FAT3: variants seen among roughly 807,000 people sequenced by gnomAD.
FAT3 encodes FAT atypical cadherin 3.
FAT3 carries 95 observed loss-of-function variants against 310.2 expected under a neutral mutation model. The observed-to-expected ratio is 0.31, with a 90% CI of 0.26 to 0.36. The LOEUF (loss-of-function observed/expected upper bound fraction) is 0.36, where lower values mean the gene tolerates loss of function less well. Ranked by LOEUF, FAT3 falls within the 10% of genes least tolerant of loss-of-function variation. FAT3 has a pLI of 1.00. For missense variants in FAT3, 5,408 were observed against 5,715.6 expected (o/e 0.95, Z 1.74); for synonymous variants, 2,314 against 2,192.9 (o/e 1.06, Z -1.54).
At chr11:92,257,996 A>G (rs1429813353) in intron 1 of FAT3, among the ~76,000 whole-genome samples, 2 of 152,082 alleles carry the variant, frequency 1.3e-5, no homozygotes, top group Admixed American at 1.3e-4. Flanking sequence ...AAGAACATGA[A>G]ACCTCTTTCT....
intron 3 of FAT3, among the ~76,000 whole-genome samples, chr11:92,605,051 AT>A (rs1309402767): frequency 1.3e-5 from 2 of 152,100 alleles, no homozygotes; most frequent in African/African-American, 4.8e-5. Flanking sequence ...TCTAAAACAG[AT>A]TTGTGTCCTG....
intron 3 of FAT3, among the ~76,000 whole-genome samples, chr11:92,645,141 T>C (rs2135739485): frequency 6.6e-6 from 1 of 152,306 alleles, no homozygotes; most frequent in East Asian, 1.9e-4. Context: ...GAATACCAAA[T>C]GTAAGATAAA....
chr11:92,449,417 C>T (rs185101781), intron 2 of FAT3, among the ~76,000 whole-genome samples: 4 of 152,184 alleles, frequency 2.6e-5, no homozygotes, highest in African/African-American at 7.2e-5. Flanking sequence ...ATCGGGTTCC[C>T]TATGAGTAGC....
intron 3 of FAT3, among the ~76,000 whole-genome samples, chr11:92,600,188 C>A (rs1302811342): frequency 6.6e-6 from 1 of 152,156 alleles, no homozygotes; most frequent in Admixed American, 6.5e-5. Context: ...CTGGCACTCC[C>A]ATGCAATCCA....
Position 92,840,617 on chromosome 11 carries a change from C to T in FAT3, c.10424C>T (p.Ser3475Phe), listed in dbSNP as rs755487637. The T allele has an allele frequency of 2.5e-6, 4 of 1,611,422 alleles. No individual in the cohort carries two copies. Among genetic ancestry groups the T allele is most frequent in the South Asian group, 1.1e-5 (1 of 90,962 alleles). The change falls in exon 18 of 28, where the codon TCC (serine) becomes TTC (phenylalanine). Residue 3475 changes from serine (S) to phenylalanine (F), a missense_variant. Physicochemically the swap from Ser to Phe is radical, Grantham distance 155 (BLOSUM62 -2). Around this residue, in one of 5 missense-constraint regions of FAT3, gnomAD observed 4,588 missense variants for 4,809.8 expected, o/e 0.95. Coordinates refer to ENST00000525166, the MANE Select transcript of FAT3 (RefSeq NM_001367949.2). ...CAGCTGGTGGTGACAGACAGAGACTCCTTTCACAATGGGCCTCCCTTTTCA... is the reference window on the plus strand; with the variant it reads ...CAGCTGGTGGTGACAGACAGAGACTTCTTTCACAATGGGCCTCCCTTTTCA... Reference protein sequence around the residue: ...ILQLVVTDRDSFHNGPPFSFS... With the variant: ...ILQLVVTDRDFFHNGPPFSFS...
chr11:92,514,248 A>C (rs938094433), intron 2 of FAT3, among the ~76,000 whole-genome samples: 1 of 152,228 alleles, frequency 6.6e-6, no homozygotes, highest in African/African-American at 2.4e-5. Flanking sequence ...TTATTCATTT[A>C]AATATTAAGA....
rs539304145 is a variant in FAT3, at chr11:92,402,062, G to A, written c.3292+46658G>A. ...TTATCAAGTAATTTAAAATAATTATGTTTAATTTGTTAAAGGTTCTAATGG... is the reference window on the plus strand; with the variant it reads ...TTATCAAGTAATTTAAAATAATTATATTTAATTTGTTAAAGGTTCTAATGG... On this transcript the variant is annotated intron_variant, in intron 2 of 27. Coordinates refer to ENST00000525166, the MANE Select transcript of FAT3 (RefSeq NM_001367949.2). Among the ~76,000 whole-genome samples, 55 of 152,236 alleles carry A rather than the reference G, an allele frequency of 3.6e-4. No homozygotes were observed. The East Asian group carries it at 6.4e-3, about 18-fold the overall frequency.
intron 2 of FAT3, among the ~76,000 whole-genome samples, chr11:92,523,676 G>A (rs756199873): frequency 1.3e-5 from 2 of 150,720 alleles, no homozygotes; most frequent in African/African-American, 4.8e-5. Context: ...TGAATTTCAC[G>A]CTTTCTATGA....
At chr11:92,735,557 CATAGATAGATAGATAG>C (rs35680919) in intron 4 of FAT3, among the ~76,000 whole-genome samples, 5,668 of 148,830 alleles carry the variant, frequency 0.038, 148 homozygotes, top group Non-Finnish European at 0.059. Context: ...GATGGATGAG[CATAGATAGATAGATAG>C]ATAGATAGAT....
intron 3 of FAT3, among the ~76,000 whole-genome samples, chr11:92,646,308 A>G (rs995098130): frequency 6.6e-6 from 1 of 152,212 alleles, no homozygotes; most frequent in African/African-American, 2.4e-5. Context: ...CTCATGGCTT[A>G]GAATTTCTAC....
chr11:92,355,086 A>G lies in FAT3; in HGVS notation c.2974A>G (p.Ile992Val). 1 of 1,613,762 alleles carries G rather than the reference A, an allele frequency of 6.2e-7. No homozygotes were observed. The highest frequency in any genetic ancestry group is 8.5e-7 in the Non-Finnish European group (1 of 1,179,850). Reference protein sequence around the residue: ...RFEIDKASGAIRLSKELDYEK... With the variant: ...RFEIDKASGAVRLSKELDYEK... The stretch of plus-strand genomic sequence containing the variant: ...TGAAATAGATAAAGCAAGTGGTGCC[A>G]TCCGCTTGAGCAAAGAGCTTGATTA... Residue 992 changes from isoleucine (I) to valine (V), a missense_variant, in exon 2 of 28, where the codon ATC (isoleucine) becomes GTC (valine). Ile to Val is a conservative substitution (Grantham distance 29). This residue lies in a region of FAT3 where 4,588 missense variants were observed against 4,809.8 expected (regional missense o/e 0.95). Coordinates refer to ENST00000525166, the MANE Select transcript of FAT3 (RefSeq NM_001367949.2).
chr11:92,287,670 T>C (rs1227801382), intron 1 of FAT3, among the ~76,000 whole-genome samples: 2 of 152,162 alleles, frequency 1.3e-5, no homozygotes, highest in African/African-American at 4.8e-5. Flanking sequence ...CAAATACTTG[T>C]GCTCCCCTCT....
At chr11:92,602,905 G>A (rs579564) in intron 3 of FAT3, among the ~76,000 whole-genome samples, 73,390 of 151,968 alleles carry the variant, frequency 0.48, 17,949 homozygotes, top group African/African-American at 0.49. Flanking sequence ...GTATTTGTTA[G>A]GCCTACCAGA....
chr11:92,509,050 G>A (rs1030009383), intron 2 of FAT3, among the ~76,000 whole-genome samples: 3 of 152,026 alleles, frequency 2.0e-5, no homozygotes, highest in African/African-American at 7.2e-5. Flanking sequence ...CAACATCAAT[G>A]ATGTTTTATC....
intron 2 of FAT3, among the ~76,000 whole-genome samples, chr11:92,491,098 T>C (rs1465758872): frequency 1.3e-5 from 2 of 152,076 alleles, no homozygotes; most frequent in African/African-American, 4.8e-5. Flanking sequence ...TTCCCTATGT[T>C]AGCAGAGAAA....
rs79608942 is a variant in FAT3, at chr11:92,695,644, A to T, written c.3608-1740A>T. On this transcript the variant is annotated intron_variant, in intron 3 of 27. Transcript: ENST00000525166. ...CAGATCTCTTCCAGAGCAACTTTTC[A>T]TTAACTAAGCATTAATGAGTTCCTA... Among the ~76,000 whole-genome samples the T allele has an allele frequency of 1.5e-4, 23 of 152,326 alleles. No individual in the cohort carries two copies. The East Asian group carries it at 4.4e-3, about 29-fold the overall frequency.
At position 92,333,297 on chromosome 11, in the gene FAT3, A is replaced by T. The variant is rs553871598; in HGVS notation, c.-17-18799A>T. 3.3e-5 allele frequency among the ~76,000 whole-genome samples: 5 copies of T among 152,304 alleles called. No individual in the cohort carries two copies. In the South Asian group the frequency reaches 1.0e-3, roughly 32 times the overall value. On this transcript the variant is annotated intron_variant, in intron 1 of 27. Transcript: ENST00000525166. ...AGCACCATTGGTCTGATCCTTTGTAAAGTTACAAATATTTATTATAATAGT... is the reference window on the plus strand; with the variant it reads ...AGCACCATTGGTCTGATCCTTTGTATAGTTACAAATATTTATTATAATAGT...
intron 1 of FAT3, among the ~76,000 whole-genome samples, chr11:92,348,570 G>A (rs1027917009): frequency 2.0e-5 from 3 of 152,174 alleles, no homozygotes; most frequent in African/African-American, 7.2e-5. Flanking sequence ...GTAATATGGT[G>A]TCAGAAAAGG....
chr11:92,891,720 CTGTT>C lies in FAT3; in HGVS notation c.*615_*618del, dbSNP rs1033977067. The C allele has an allele frequency of 1.1e-4, 18 of 156,766 alleles. No homozygotes were observed. Among genetic ancestry groups the C allele is most frequent in the East Asian group, 1.9e-4 (1 of 5,390 alleles). The allele number at this position is 156,766 out of a possible 1,614,324, so 9.7% of individuals were successfully genotyped here. A position where few individuals can be genotyped will look rare whatever the true frequency, so the allele number is the denominator to read the frequency against. ...ACATGTTTAGTATGCTCAGTTATTT[CTGTT>C]TGTTTGTGTTAAGCATCCAATCTAA... On this transcript the variant is annotated 3_prime_UTR_variant, in exon 28 of 28. Coordinates refer to ENST00000525166, the MANE Select transcript of FAT3 (RefSeq NM_001367949.2).
Sources: gnomAD v4.1 joint callset for allele counts (sites outside exome capture counted in the v4.1 genomes callset) on GRCh38, gnomAD v4.1.1 for gene constraint, gnomAD v4.1.1 regional missense constraint, MANE v1.5 for transcripts, NCBI Gene and HGNC (gene_info 2026-07-23, HGNC 2026-07-21) for gene names.